SYBU: variants seen among roughly 807,000 people sequenced by gnomAD.
SYBU encodes the protein syntabulin, also known as GOLSYN A protein.
In SYBU, 21 loss-of-function variants were observed where a neutral mutation model predicts 35.9. That is an observed-to-expected ratio of 0.58 (90% CI 0.41 to 0.84). SYBU has a LOEUF of 0.84. Ranked by LOEUF, SYBU falls within the 40% of genes least tolerant of loss-of-function variation. SYBU has a pLI of 0.00. For synonymous variants in SYBU, 319 were observed against 324.3 expected, an observed-to-expected ratio of 0.98 and a Z score of 0.18; for missense variants, 768 against 848.2, an observed-to-expected ratio of 0.91 and a Z score of 1.17.
chr8:109,627,998 T>C (rs557266728), intron 2 of SYBU, among the ~76,000 whole-genome samples: 3 of 152,362 alleles, frequency 2.0e-5, no homozygotes, highest in East Asian at 1.9e-4. Context: ...TTATACAATA[T>C]GTCACTAACC....
chr8:109,616,017 T>C, intron 3 of SYBU, among the ~76,000 whole-genome samples: 1 of 105,914 alleles, frequency 9.4e-6, no homozygotes, highest in Non-Finnish European at 1.9e-5. Context: ...TTTTTTTTTT[T>C]TTTTTTTTTT....
intron 4 of SYBU, among the ~76,000 whole-genome samples, chr8:109,583,701 G>GC (rs995164117): frequency 1.9e-4 from 29 of 152,188 alleles, no homozygotes; most frequent in Middle Eastern, 3.4e-3. Flanking sequence ...TAGAGGAGCT[G>GC]CCCCCCCATG....
At chr8:109,633,593 C>G (rs1280788770) in intron 2 of SYBU, among the ~76,000 whole-genome samples, 2 of 152,134 alleles carry the variant, frequency 1.3e-5, no homozygotes, top group African/African-American at 2.4e-5. Flanking sequence ...GGTTAGGAGG[C>G]ACTTTCTGCT....
chr8:109,666,360 T>A (rs1324733296), intron 1 of SYBU, among the ~76,000 whole-genome samples: 1 of 152,104 alleles, frequency 6.6e-6, no homozygotes, highest in Non-Finnish European at 1.5e-5. Flanking sequence ...ACCCACTAGA[T>A]GCCAGTAGCA....
At chr8:109,662,487 C>T (rs16879898) in intron 1 of SYBU, among the ~76,000 whole-genome samples, 2 of 152,306 alleles carry the variant, frequency 1.3e-5, no homozygotes, top group Non-Finnish European at 1.5e-5. Context: ...ATGGCCACTG[C>T]TCTAGTCCCA....
At chr8:109,601,128 T>C (rs1019001185) in intron 3 of SYBU, among the ~76,000 whole-genome samples, 9 of 152,186 alleles carry the variant, frequency 5.9e-5, no homozygotes, top group African/African-American at 2.2e-4. Context: ...CAGCATCAGA[T>C]AATAATGCCA....
intron 1 of SYBU, among the ~76,000 whole-genome samples, chr8:109,668,881 G>A (rs1006396019): frequency 6.6e-6 from 1 of 152,068 alleles, no homozygotes; most frequent in African/African-American, 2.4e-5. Context: ...GAAAATTAGT[G>A]AACACAAGTA....
chr8:109,645,366 A>G (rs1429074261), upstream of SYBU: 1 of 456,404 alleles, frequency 2.2e-6, no homozygotes, highest in Non-Finnish European at 4.4e-6. Flanking sequence ...GATGGATTCT[A>G]CTTGGAAGGG....
chr8:109,644,641 T>C lies in SYBU; in HGVS notation c.19A>G (p.Ser7Gly). The C allele has an allele frequency of 6.5e-7, 1 of 1,533,338 alleles. No homozygotes were observed. The highest frequency in any genetic ancestry group is 8.7e-7 in the Non-Finnish European group (1 of 1,147,108). The allele number at this position is 1,533,338 out of a possible 1,614,324, so 95.0% of individuals were successfully genotyped here. A position where few individuals can be genotyped will look rare whatever the true frequency, so the allele number is the denominator to read the frequency against. The change falls in exon 1 of 7, where the codon AGC becomes GGC. Residue 7 changes from serine (S) to glycine (G), a missense_variant. Ser to Gly is a moderately conservative substitution (Grantham distance 56, BLOSUM62 0). Coordinates refer to ENST00000276646, the MANE Select transcript of SYBU (RefSeq NM_001099754.2). ...CACTGCCCCGCGCTCCTTACCTTGC[T>C]CTCGCGGAGGGGCCCCATCGCGCCG... MGPLRE[S>G]KKEHRVQHHD...
intron 2 of SYBU, among the ~76,000 whole-genome samples, chr8:109,619,969 GATT>G (rs2130377772): frequency 6.6e-6 from 1 of 152,240 alleles, no homozygotes; most frequent in Non-Finnish European, 1.5e-5. Flanking sequence ...TCAAATAACA[GATT>G]ATTACCAGGG....
At chr8:109,674,433 C>G (rs553500168) in intron 1 of SYBU, among the ~76,000 whole-genome samples, 1 of 152,066 alleles carries the variant, frequency 6.6e-6, no homozygotes, top group South Asian at 2.1e-4. Flanking sequence ...TCCAGCCAAA[C>G]TAAGCTTCAT....
chr8:109,588,080 A>G (rs1288063993), intron 3 of SYBU, among the ~76,000 whole-genome samples: 3 of 152,206 alleles, frequency 2.0e-5, no homozygotes, highest in Non-Finnish European at 4.4e-5. Flanking sequence ...ATTAAATGAT[A>G]AAGGTAGGTG....
At chr8:109,605,772 A>G (rs1032384012) in intron 3 of SYBU, among the ~76,000 whole-genome samples, 1 of 152,188 alleles carries the variant, frequency 6.6e-6, no homozygotes, top group African/African-American at 2.4e-5. Context: ...AGATTAATCA[A>G]TCATATCCCA....
At chr8:109,588,741 A>G (rs940030994) in intron 3 of SYBU, among the ~76,000 whole-genome samples, 1 of 151,132 alleles carries the variant, frequency 6.6e-6, no homozygotes, top group Non-Finnish European at 1.5e-5. Context: ...ATTAGTTGGC[A>G]ACAAAGATAC....
At position 109,644,797 on chromosome 8, in the gene SYBU, C is replaced by T; in HGVS notation, c.-138G>A. The T allele has an allele frequency of 1.2e-6, 1 of 839,672 alleles. No individual in the cohort carries two copies. The highest frequency in any genetic ancestry group is 1.8e-5 in the African/African-American group (1 of 55,182). 52.0% of individuals were successfully genotyped at this position (839,672 alleles called of 1,614,324 possible). On this transcript the variant is annotated 5_prime_UTR_variant, in exon 1 of 7. Coordinates refer to ENST00000276646, the MANE Select transcript of SYBU (RefSeq NM_001099754.2). ...CTCTTGGTGAGGCTCCAACGCGCCG[C>T]CGCCGCCACTGCCGCCGATTGCTCT...
At chr8:109,636,129 ATAACCTGACCTGCC>A (rs1814202130) in intron 2 of SYBU, among the ~76,000 whole-genome samples, 1 of 152,214 alleles carries the variant, frequency 6.6e-6, no homozygotes, top group South Asian at 2.1e-4. Flanking sequence ...GAAGTCTTGC[ATAACCTGACCTGCC>A]TGCCTTTCTG....
intron 2 of SYBU, among the ~76,000 whole-genome samples, chr8:109,630,768 C>T (rs1813526646): frequency 6.6e-6 from 1 of 152,124 alleles, no homozygotes; most frequent in African/African-American, 2.4e-5. Flanking sequence ...TAAACATGAC[C>T]TTGGAGATAG....
At chr8:109,607,994 CA>C in intron 3 of SYBU, 1 of 1,529,094 alleles carries the variant, frequency 6.5e-7, no homozygotes, top group East Asian at 2.4e-5. Flanking sequence ...ATGTCTTTTG[CA>C]GAAATACAGT....
At chr8:109,644,514 A>G (rs1458240899) in intron 1 of SYBU, 122 bp downstream of exon 1, 6 of 1,155,448 alleles carry the variant, frequency 5.2e-6, no homozygotes, top group African/African-American at 1.9e-5. Flanking sequence ...CCCCACCACC[A>G]CCTCCTTCCA....
Sources: allele counts gnomAD v4.1 joint callset (sites outside exome capture counted in the v4.1 genomes callset), GRCh38; gene constraint gnomAD v4.1.1; transcripts MANE v1.5; gene names NCBI Gene and HGNC (gene_info 2026-07-23, HGNC 2026-07-21).